The following JMJD1C variants were observed in gnomAD, a reference collection of about 807,000 sequenced individuals.
The protein encoded by JMJD1C is jumonji domain containing 1C.
JMJD1C carries 31 observed loss-of-function variants against 245.3 expected under a neutral mutation model. The observed-to-expected ratio is 0.13, with a 90% CI of 0.09 to 0.17. The LOEUF is 0.17. JMJD1C is among the 10% of genes least tolerant of loss of function. JMJD1C has a pLI of 1.00. For missense variants in JMJD1C, 2,691 were observed against 3,000.2 expected, an observed-to-expected ratio of 0.90 and a Z score of 2.41; for synonymous variants, 1,057 against 1,017.4, an observed-to-expected ratio of 1.04 and a Z score of -0.74.
intron 1 of JMJD1C, among the ~76,000 whole-genome samples, chr10:63,486,884 G>GC (rs1403093434): frequency 6.6e-6 from 1 of 152,080 alleles, no homozygotes; most frequent in Non-Finnish European, 1.5e-5. Context: ...TGGCCAAGGC[G>GC]CTACACTAAG....
chr10:63,393,362 G>A (rs890332681), intron 1 of JMJD1C, among the ~76,000 whole-genome samples: 1 of 152,132 alleles, frequency 6.6e-6, no homozygotes. Context: ...AGTGAGAAAG[G>A]CTACTATTAA....
At chr10:63,222,520 T>C (rs1300895545) in intron 3 of JMJD1C, 11 of 1,334,352 alleles carry the variant, frequency 8.2e-6, no homozygotes, top group Admixed American at 6.9e-5. Flanking sequence ...GACTGCACTT[T>C]TGTCCCAAAG....
At chr10:63,439,264 TGTAGAAACAACA>T (rs995144514) in intron 1 of JMJD1C, among the ~76,000 whole-genome samples, 2 of 152,224 alleles carry the variant, frequency 1.3e-5, no homozygotes, top group African/African-American at 4.8e-5. Flanking sequence ...CTTTCTTCTC[TGTAGAAACAACA>T]GTAAGTTATT....
intron 13 of JMJD1C, among the ~76,000 whole-genome samples, chr10:63,196,972 AT>A (rs374078037): frequency 2.0e-5 from 3 of 147,676 alleles, no homozygotes; most frequent in African/African-American, 2.5e-5. Flanking sequence ...CATTTTTTGT[AT>A]TTTTTTTTTG....
intron 20 of JMJD1C, 82 bp from the exon 21 acceptor site, chr10:63,184,820 C>A (rs994356618): frequency 3.3e-5 from 43 of 1,317,652 alleles, no homozygotes; most frequent in Non-Finnish European, 3.1e-6. Flanking sequence ...TCAAGTTGTT[C>A]AAAACAGCAG....
intron 1 of JMJD1C, among the ~76,000 whole-genome samples, chr10:63,411,841 A>T (rs566419469): frequency 7.3e-4 from 105 of 144,470 alleles, no homozygotes; most frequent in African/African-American, 2.5e-3. Context: ...TGACCTCATG[A>T]TCCCACCTAC....
chr10:63,312,597 A>G (rs995923796), intron 2 of JMJD1C, among the ~76,000 whole-genome samples: 4 of 152,214 alleles, frequency 2.6e-5, no homozygotes, highest in African/African-American at 4.8e-5. Context: ...AAGGTATCAA[A>G]AGTAGAAGTT....
intron 4 of JMJD1C, among the ~76,000 whole-genome samples, chr10:63,219,595 C>T (rs1228681549): frequency 1.3e-5 from 2 of 152,154 alleles, no homozygotes; most frequent in African/African-American, 4.8e-5. Context: ...CCAGGAAAGA[C>T]ACACCTAAAG....
At chr10:63,228,430 T>C (rs958394465) in intron 3 of JMJD1C, among the ~76,000 whole-genome samples, 2 of 152,062 alleles carry the variant, frequency 1.3e-5, no homozygotes, top group African/African-American at 4.8e-5. Context: ...GGTGGGAGGA[T>C]CCCTTATGCC....
intron 1 of JMJD1C, among the ~76,000 whole-genome samples, chr10:63,428,095 T>C (rs1370375445): frequency 6.6e-6 from 1 of 152,080 alleles, no homozygotes; most frequent in Non-Finnish European, 1.5e-5. Context: ...AGCTGATCAA[T>C]TACTTTACCA....
intron 23 of JMJD1C, 66 bp downstream of exon 23, chr10:63,177,651 G>GA: frequency 6.6e-7 from 1 of 1,516,054 alleles, no homozygotes. Context: ...GCCAAGTGAA[G>GA]GTACGGCAAC....
intron 13 of JMJD1C, among the ~76,000 whole-genome samples, chr10:63,197,144 T>A (rs1845550691): frequency 6.6e-6 from 1 of 152,130 alleles, no homozygotes; most frequent in Admixed American, 6.6e-5. Context: ...AGGCCTAACC[T>A]AAATTTGGGC....
chr10:63,381,197 T>C (rs1947187176), intron 1 of JMJD1C, among the ~76,000 whole-genome samples: 1 of 152,172 alleles, frequency 6.6e-6, no homozygotes, highest in Non-Finnish European at 1.5e-5. Flanking sequence ...TTCACACTCA[T>C]ATGTGGGAGT....
chr10:63,427,809 C>T, intron 1 of JMJD1C: 1 of 1,173,034 alleles, frequency 8.5e-7, no homozygotes, highest in Non-Finnish European at 1.3e-6. Flanking sequence ...AGATGAAATG[C>T]AAGGCCCCTT....
At chr10:63,436,754 A>G (rs1951078791) in intron 1 of JMJD1C, among the ~76,000 whole-genome samples, 1 of 152,294 alleles carries the variant, frequency 6.6e-6, no homozygotes, top group South Asian at 2.1e-4. Flanking sequence ...ACTCTAGACC[A>G]GAGGATCTTT....
intron 22 of JMJD1C, among the ~76,000 whole-genome samples, chr10:63,178,537 A>G (rs1247907759): frequency 6.6e-6 from 1 of 152,234 alleles, no homozygotes; most frequent in East Asian, 1.9e-4. Context: ...AATAAGGGAT[A>G]ACCTCTATTT....
intron 1 of JMJD1C, among the ~76,000 whole-genome samples, chr10:63,495,733 C>CA (rs1015877723): frequency 4.4e-5 from 5 of 114,602 alleles, no homozygotes; most frequent in African/African-American, 1.3e-4. Context: ...ACTCCAGCCT[C>CA]AAAAAAAACA....
At chr10:63,332,995 A>T (rs886536718) in intron 2 of JMJD1C, among the ~76,000 whole-genome samples, 3 of 152,156 alleles carry the variant, frequency 2.0e-5, no homozygotes, top group Non-Finnish European at 2.9e-5. Context: ...AAAAAAAGCA[A>T]ACCTGTATAT....
chr10:63,393,578 C>T (rs1220739858), intron 1 of JMJD1C, among the ~76,000 whole-genome samples: 1 of 152,120 alleles, frequency 6.6e-6, no homozygotes, highest in Non-Finnish European at 1.5e-5. Context: ...CAAAGGGATA[C>T]CTGCACCCCC....
Sources: gnomAD v4.1 joint callset for allele counts (sites outside exome capture counted in the v4.1 genomes callset) on GRCh38, gnomAD v4.1.1 for gene constraint, MANE v1.5 for transcripts, NCBI Gene and HGNC (gene_info 2026-07-23, HGNC 2026-07-21) for gene names.